GYG2: variants seen among roughly 807,000 people sequenced by gnomAD.
The protein encoded by GYG2 is glycogenin 2.
A neutral mutation model predicts 29.4 loss-of-function variants in GYG2; 29 were observed. That is an observed-to-expected ratio of 0.99 (90% CI 0.74 to 1.35). The LOEUF (loss-of-function observed/expected upper bound fraction) is 1.35. Ranked by LOEUF, GYG2 falls within the 40% of genes most tolerant of loss-of-function variation. The pLI, the probability that GYG2 is intolerant of heterozygous loss-of-function variation, is 0.00. For missense variants in GYG2, 370 were observed against 385.7 expected (o/e 0.96, Z 0.34); for synonymous variants, 167 against 172.3 (o/e 0.97, Z 0.24).
At chrX:2,880,248 C>T (rs961284509) in intron 10 of GYG2, among the ~76,000 whole-genome samples, 1 of 109,043 alleles carries the variant, frequency 9.2e-6, no homozygotes, top group African/African-American at 3.4e-5. Flanking sequence ...AAGGCAGGAA[C>T]TCTGCCATTG....
In GYG2 at chrX:2,881,057, C is replaced by G; in HGVS notation, c.1257C>G (p.Asp419Glu). The change falls in exon 11 of 11, where the codon GAC becomes GAG. Residue 419 changes from aspartate (D) to glutamate (E), a missense_variant. Asp to Glu is a conservative substitution (Grantham distance 45). Coordinates refer to ENST00000398806, the MANE Select transcript of GYG2 (RefSeq NM_001079855.2). Reference sequence around the variant, plus strand: ...CCACTGACTGTCTTCCCTAGGTCGACCTGGCCGTCTCTGTTTCCCAGATCT... The same window carrying G: ...CCACTGACTGTCTTCCCTAGGTCGAGCTGGCCGTCTCTGTTTCCCAGATCT... Reference protein sequence around the residue: ...DPSLQDALEVDLAVSVSQISI... With the variant: ...DPSLQDALEVELAVSVSQISI... 8.3e-7 allele frequency: 1 copy of G among 1,209,851 alleles called. No individual in the cohort carries two copies. Among genetic ancestry groups the G allele is most frequent in the Non-Finnish European group, 1.1e-6 (1 of 894,357 alleles).
chrX:2,844,532 A>ATATGTGTATACGCACACACGTG (rs2087585109), intron 3 of GYG2, among the ~76,000 whole-genome samples: 1 of 43,825 alleles, frequency 2.3e-5, no homozygotes, highest in African/African-American at 1.1e-4. Flanking sequence ...ACGCATGCGT[A>ATATGTGTATACGCACACACGTG]TATATGTGTA....
At chrX:2,831,606 C>T in intron 2 of GYG2, among the ~76,000 whole-genome samples, 1 of 111,827 alleles carries the variant, frequency 8.9e-6, no homozygotes, top group East Asian at 2.8e-4. Flanking sequence ...AAAGTGAAAG[C>T]CACACATTTC....
chrX:2,854,347 G>C (rs2087931471), intron 4 of GYG2, among the ~76,000 whole-genome samples, 193 bp downstream of exon 4: 1 of 111,306 alleles, frequency 9.0e-6, no homozygotes, highest in South Asian at 3.8e-4. Context: ...TCAGCCTCCC[G>C]AGTGGCTGCT....
At chrX:2,853,191 T>C (rs1422978854) in intron 3 of GYG2, among the ~76,000 whole-genome samples, 1 of 110,432 alleles carries the variant, frequency 9.1e-6, no homozygotes, top group African/African-American at 3.3e-5. Flanking sequence ...ATTTAAATTT[T>C]TTGTTTGTTT....
intron 2 of GYG2, among the ~76,000 whole-genome samples, chrX:2,833,624 G>A (rs901737337): frequency 2.7e-5 from 3 of 111,411 alleles, no homozygotes; most frequent in Non-Finnish European, 5.7e-5. Flanking sequence ...TGTCACTCAC[G>A]TCCTGATGAA....
At chrX:2,850,743 T>C (rs760552863) in intron 3 of GYG2, among the ~76,000 whole-genome samples, 29 of 110,469 alleles carry the variant, frequency 2.6e-4, no homozygotes, top group Non-Finnish European at 4.2e-4. Flanking sequence ...CGACCCCCAC[T>C]CCTGCCCACC....
chrX:2,861,456 C>T, intron 7 of GYG2, 66 bp from the exon 8 acceptor site: 1 of 926,220 alleles, frequency 1.1e-6, no homozygotes, highest in South Asian at 2.0e-5. Flanking sequence ...CCACCCGCCC[C>T]CCAGGACAGC....
chrX:2,847,108 C>A (rs1323689721), intron 3 of GYG2, among the ~76,000 whole-genome samples: 5 of 111,524 alleles, frequency 4.5e-5, no homozygotes, highest in African/African-American at 1.3e-4. Context: ...TGTCACAGAG[C>A]CTAGCAAAAG....
chrX:2,853,379 G>A (rs1160604785), intron 3 of GYG2: 1 of 110,320 alleles, frequency 9.1e-6, no homozygotes, highest in African/African-American at 3.3e-5. Context: ...GCTAATTTTT[G>A]TATTTTTAGT....
intron 2 of GYG2, among the ~76,000 whole-genome samples, chrX:2,834,524 C>A (rs1374000082): frequency 9.0e-6 from 1 of 111,155 alleles, no homozygotes; most frequent in Non-Finnish European, 1.9e-5. Context: ...TATCGAAACA[C>A]CCATTTCTTA....
At chrX:2,871,304 C>T (rs765733828) in intron 8 of GYG2, among the ~76,000 whole-genome samples, 11 of 109,654 alleles carry the variant, frequency 1.0e-4, no homozygotes, top group South Asian at 4.0e-4. Context: ...AGTAAGGTAC[C>T]AAATGTGACA....
At chrX:2,845,779 GTA>G (rs997631097) in intron 3 of GYG2, among the ~76,000 whole-genome samples, 3 of 102,603 alleles carry the variant, frequency 2.9e-5, no homozygotes, top group African/African-American at 7.0e-5. Context: ...GCATGTGTAT[GTA>G]TATATATACA....
intron 8 of GYG2, among the ~76,000 whole-genome samples, chrX:2,870,894 T>A (rs1439495236): frequency 1.8e-5 from 2 of 112,220 alleles, no homozygotes; most frequent in African/African-American, 6.5e-5. Context: ...CATTTGGTCT[T>A]TTCTTGTTGT....
At chrX:2,844,500 GCGTATATATGTGTATA>G (rs2087580354) in intron 3 of GYG2, among the ~76,000 whole-genome samples, 1 of 104,784 alleles carries the variant, frequency 9.5e-6, no homozygotes, top group African/African-American at 3.6e-5. Context: ...GCACGCGTGT[GCGTATATATGTGTATA>G]CGCACACGCA....
At chrX:2,863,684 T>A (rs1277690327) in intron 8 of GYG2, among the ~76,000 whole-genome samples, 1 of 111,927 alleles carries the variant, frequency 8.9e-6, no homozygotes, top group Non-Finnish European at 1.9e-5. Context: ...TGAAAAGATG[T>A]TTAGGTTCAG....
chrX:2,837,819 C>T (rs1164248661), intron 2 of GYG2, among the ~76,000 whole-genome samples: 3 of 101,668 alleles, frequency 3.0e-5, no homozygotes, highest in Non-Finnish European at 5.9e-5. Flanking sequence ...TTTACTTTGC[C>T]ATCTGCTTTG....
At chrX:2,878,922 G>T (rs1017770777) in intron 10 of GYG2, among the ~76,000 whole-genome samples, 3 of 111,942 alleles carry the variant, frequency 2.7e-5, no homozygotes, top group Non-Finnish European at 3.8e-5. Flanking sequence ...GGGTGCTGTA[G>T]GTCCTGTTAA....
At chrX:2,844,765 T>C (rs75594741) in intron 3 of GYG2, among the ~76,000 whole-genome samples, 3 of 66,356 alleles carry the variant, frequency 4.5e-5, no homozygotes, top group African/African-American at 2.6e-4. Context: ...CACACGTATG[T>C]GTATATGTAC....
Sources: allele counts gnomAD v4.1 joint callset (sites outside exome capture counted in the v4.1 genomes callset), GRCh38; gene constraint gnomAD v4.1.1; transcripts MANE v1.5; gene names NCBI Gene and HGNC (gene_info 2026-07-23, HGNC 2026-07-21).